Variants in MYOCD observed in about 807,000 individuals in gnomAD.
The protein encoded by MYOCD is myocardin.
Under a neutral mutation model 96.1 loss-of-function variants are expected in MYOCD, and 32 were observed. The observed-to-expected ratio is 0.33, with a 90% CI of 0.25 to 0.45. The LOEUF is 0.45. MYOCD is among the 20% of genes least tolerant of loss of function. The pLI is 1.00. For missense variants in MYOCD, 1,133 were observed against 1,200.6 expected (o/e 0.94, Z 0.83); for synonymous variants, 469 against 469.0 (o/e 1.00, Z 0.00).
intron 1 of MYOCD, among the ~76,000 whole-genome samples, chr17:12,667,639 G>T (rs960574993): frequency 7.2e-5 from 11 of 152,168 alleles, no homozygotes; most frequent in African/African-American, 2.4e-4. Flanking sequence ...AAATGTGGAG[G>T]GTCTGGGGGT....
chr17:12,743,833 G>A (rs2032582797), intron 7 of MYOCD, among the ~76,000 whole-genome samples: 1 of 152,094 alleles, frequency 6.6e-6, no homozygotes, highest in African/African-American at 2.4e-5. Flanking sequence ...CTCAAGATCA[G>A]AATGCAACCT....
rs182488178 is a variant in MYOCD, at chr17:12,668,842, T to C, written c.55+2599T>C. The stretch of plus-strand genomic sequence containing the variant: ...GAGAACTTCGAAAATGCCCAGGCCT[T>C]AGAAGGCTCTTACAAAACATTTTTC... On this transcript the variant is annotated intron_variant, in intron 1 of 13. Transcript: ENST00000425538. Among the ~76,000 whole-genome samples, 14 of 152,280 alleles carry C rather than the reference T, an allele frequency of 9.2e-5. No individual in the cohort carries two copies. The East Asian group carries it at 2.7e-3, about 29-fold the overall frequency.
rs2031524973 is a variant in MYOCD, at chr17:12,712,923, A to G, written c.122-2596A>G. Among the ~76,000 whole-genome samples the G allele has an allele frequency of 2.6e-5, 4 of 152,156 alleles. No homozygotes were observed. The South Asian group carries it at 6.2e-4, about 24-fold the overall frequency. On this transcript the variant is annotated intron_variant, in intron 2 of 13. Transcript: ENST00000425538. ...TTTTTGTGTATTTTCCAAAAACCCA[A>G]CTGAGAGGTGGGGGGCTCCATTGCT...
chr17:12,692,143 T>C (rs902383874), intron 1 of MYOCD, among the ~76,000 whole-genome samples: 4 of 152,252 alleles, frequency 2.6e-5, no homozygotes, highest in African/African-American at 7.2e-5. Context: ...GTGTTACTCC[T>C]GTGCCTTCAG....
In MYOCD at chr17:12,744,319, C is replaced by A. The variant is rs771450348; in HGVS notation, c.854C>A (p.Ala285Asp). The A allele has an allele frequency of 6.2e-7, 1 of 1,614,208 alleles. No homozygotes were observed. Among genetic ancestry groups the A allele is most frequent in the Admixed American group, 1.7e-5 (1 of 60,020 alleles). The change falls in exon 8 of 14, where the codon GCC becomes GAC. Residue 285 changes from alanine to aspartate, a missense_variant. Ala to Asp is a moderately radical substitution (Grantham distance 126). Coordinates refer to ENST00000425538, the MANE Select transcript of MYOCD (RefSeq NM_001146312.3). ...AAGTCCCCTCCACCTATGGACTCAG[C>A]CTACGCTCGGCTGCTCCAGCAACAG... is the stretch of plus-strand genomic sequence containing the variant. ...AEKSPPPMDS[A>D]YARLLQQQQL...
chr17:12,709,398 C>A (rs1171790702), intron 2 of MYOCD, among the ~76,000 whole-genome samples: 1 of 152,158 alleles, frequency 6.6e-6, no homozygotes, highest in Non-Finnish European at 1.5e-5. Flanking sequence ...TCTTTACATG[C>A]TTTGAATGAA....
chr17:12,732,489 C>G (rs2032205339), intron 5 of MYOCD, among the ~76,000 whole-genome samples: 1 of 152,210 alleles, frequency 6.6e-6, no homozygotes, highest in Admixed American at 6.5e-5. Context: ...GTAACCACCA[C>G]CAGCACTCAC....
intron 7 of MYOCD, among the ~76,000 whole-genome samples, chr17:12,739,998 C>T (rs1017532800): frequency 3.9e-5 from 6 of 151,932 alleles, no homozygotes; most frequent in African/African-American, 7.3e-5. Flanking sequence ...TACAGTGGCG[C>T]GATCTCAGCT....
intron 1 of MYOCD, among the ~76,000 whole-genome samples, chr17:12,678,612 T>C (rs938557712): frequency 1.4e-4 from 22 of 152,312 alleles, no homozygotes; most frequent in African/African-American, 4.8e-4. Flanking sequence ...GCACCTCTTA[T>C]TTCTTTGATG....
At chr17:12,714,167 G>T (rs570584554) in intron 2 of MYOCD, among the ~76,000 whole-genome samples, 1 of 152,014 alleles carries the variant, frequency 6.6e-6, no homozygotes, top group East Asian at 1.9e-4. Flanking sequence ...AGCGTGACCT[G>T]TTAACTCCCC....
At chr17:12,732,495 C>G (rs377019483) in intron 5 of MYOCD, among the ~76,000 whole-genome samples, 1 of 152,154 alleles carries the variant, frequency 6.6e-6, no homozygotes, top group African/African-American at 2.4e-5. Context: ...ACCACCAGCA[C>G]TCACCAGGCA....
chr17:12,736,096 AT>A, intron 5 of MYOCD, 64 bp from the exon 6 acceptor site: 1 of 1,384,542 alleles, frequency 7.2e-7, no homozygotes, highest in Middle Eastern at 1.8e-4. Flanking sequence ...ACATCGAAGC[AT>A]TTCCAAAAAT....
intron 1 of MYOCD, among the ~76,000 whole-genome samples, chr17:12,669,780 G>A (rs557554682): frequency 5.7e-4 from 87 of 152,118 alleles, no homozygotes; most frequent in African/African-American, 1.9e-3. Context: ...TACCACGCCC[G>A]GCTAATTTTT....
chr17:12,724,811 C>CA (rs1310460658), intron 5 of MYOCD, among the ~76,000 whole-genome samples: 1 of 151,998 alleles, frequency 6.6e-6, no homozygotes, highest in Non-Finnish European at 1.5e-5. Flanking sequence ...TCTGTCTTCA[C>CA]AAGTTTCTTT....
chr17:12,688,528 TCTTCCTTCCTTCCTTCCATCTTCTTC>T (rs561898616), intron 1 of MYOCD, among the ~76,000 whole-genome samples: 22,802 of 137,308 alleles, frequency 0.17, 2,656 homozygotes, highest in African/African-American at 0.33. Flanking sequence ...CCTTCCATCT[TCTTCCTTCCTTCCTTCCATCTTCTTC>T]CTTCCTTCCT....
At chr17:12,695,562 A>G (rs749932960) in intron 1 of MYOCD, among the ~76,000 whole-genome samples, 1 of 152,218 alleles carries the variant, frequency 6.6e-6, no homozygotes, top group East Asian at 1.9e-4. Context: ...CCTTTGTGCT[A>G]CATTCTAAGA....
chr17:12,763,480 T>C lies in MYOCD; in HGVS notation c.2797T>C (p.Ser933Pro). 1.2e-6 allele frequency: 2 copies of C among 1,614,140 alleles called. No homozygotes were observed. The highest frequency in any genetic ancestry group is 3.3e-5 in the Admixed American group (2 of 59,998). The change falls in exon 14 of 14, where the codon TCT becomes CCT. Residue 933 changes from serine (S) to proline (P), a missense_variant. Coordinates refer to ENST00000425538, the MANE Select transcript of MYOCD (RefSeq NM_001146312.3). Reference sequence around the variant, plus strand: ...TGGGCTGCAGTTAAGCTTCACTGAATCTCCCTGGGAAACCATGGAGTGGCT... The same window carrying C: ...TGGGCTGCAGTTAAGCTTCACTGAACCTCCCTGGGAAACCATGGAGTGGCT... ...SNGLQLSFTE[S>P]PWETMEWLDL...
At chr17:12,676,305 A>G (rs1169503305) in intron 1 of MYOCD, among the ~76,000 whole-genome samples, 2 of 151,526 alleles carry the variant, frequency 1.3e-5, no homozygotes, top group Middle Eastern at 3.4e-3. Context: ...AAATGTCTTG[A>G]CCATAAGACA....
intron 4 of MYOCD, among the ~76,000 whole-genome samples, chr17:12,719,716 AATT>A: frequency 6.7e-6 from 1 of 149,846 alleles, no homozygotes; most frequent in Non-Finnish European, 1.5e-5. Context: ...AAAAAAAAAA[AATT>A]AGCCGGGCGT....
Sources: gnomAD v4.1 joint callset for allele counts (sites outside exome capture counted in the v4.1 genomes callset) on GRCh38, gnomAD v4.1.1 for gene constraint, MANE v1.5 for transcripts, NCBI Gene and HGNC (gene_info 2026-07-23, HGNC 2026-07-21) for gene names.